JHY: variants seen among roughly 807,000 people sequenced by gnomAD.
JHY encodes jhy protein homolog.
A neutral mutation model predicts 78.0 loss-of-function variants in JHY; 69 were observed. The observed-to-expected ratio is 0.88, with a 90% CI of 0.73 to 1.08. The LOEUF is 1.08. Among genes scored for constraint, JHY ranks in the 50% least tolerant of loss-of-function variants. JHY has a pLI of 0.00. For synonymous variants in JHY, 368 were observed against 342.6 expected, an observed-to-expected ratio of 1.07 and a Z score of -0.82; for missense variants, 944 against 927.8, an observed-to-expected ratio of 1.02 and a Z score of -0.23.
intron 4 of JHY, among the ~76,000 whole-genome samples, chr11:122,925,252 A>G (rs1245654895): frequency 6.6e-6 from 1 of 152,208 alleles, no homozygotes; most frequent in African/African-American, 2.4e-5. Context: ...CACTTCCAAC[A>G]TACTGAGTTA....
intron 3 of JHY, among the ~76,000 whole-genome samples, chr11:122,922,832 A>C (rs1863404474): frequency 1.4e-5 from 2 of 148,020 alleles, no homozygotes; most frequent in African/African-American, 2.6e-5. Context: ...AAAAAAAAAA[A>C]AAAACCAGCA....
intron 5 of JHY, among the ~76,000 whole-genome samples, chr11:122,941,073 G>T (rs977813353): frequency 2.0e-5 from 3 of 152,046 alleles, no homozygotes; most frequent in African/African-American, 7.2e-5. Context: ...ATATGTTCTA[G>T]GTTTACCTTT....
Position 122,885,816 on chromosome 11 carries a change from G to A in JHY, c.-34G>A, listed in dbSNP as rs201130374. ...ATCAGCCAGCTGCTCCTATCAACAC[G>A]AGTATCCCCTGTTAATTTTTTGCAT... On this transcript the variant is annotated 5_prime_UTR_variant, in exon 2 of 9. Coordinates refer to ENST00000227349, the MANE Select transcript of JHY (RefSeq NM_024806.4). 7 of 1,513,200 alleles carry A rather than the reference G, an allele frequency of 4.6e-6. No individual in the cohort carries two copies. In the East Asian group the frequency reaches 9.1e-5, roughly 20 times the overall value. The allele number at this position is 1,513,200 out of a possible 1,614,324, so 93.7% of individuals were successfully genotyped here. A position where few individuals can be genotyped will look rare whatever the true frequency, so the allele number is the denominator to read the frequency against.
intron 3 of JHY, among the ~76,000 whole-genome samples, chr11:122,923,412 G>T (rs1228033366): frequency 2.6e-5 from 4 of 152,218 alleles, no homozygotes; most frequent in African/African-American, 9.6e-5. Flanking sequence ...TAGGCAGACA[G>T]CGAGTAAACA....
chr11:122,932,150 C>G (rs892530556), intron 4 of JHY, among the ~76,000 whole-genome samples: 1 of 152,060 alleles, frequency 6.6e-6, no homozygotes, highest in Non-Finnish European at 1.5e-5. Flanking sequence ...GGTCTTGCCA[C>G]CTAAAGAGTG....
intron 3 of JHY, among the ~76,000 whole-genome samples, chr11:122,913,198 G>A (rs7936510): frequency 0.012 from 1,770 of 152,114 alleles, 39 homozygotes; most frequent in African/African-American, 0.038. Context: ...GAGGGTCCCC[G>A]GTCAATCAAA....
At chr11:122,922,322 G>T (rs1476060875) in intron 3 of JHY, among the ~76,000 whole-genome samples, 1 of 152,162 alleles carries the variant, frequency 6.6e-6, no homozygotes, top group Non-Finnish European at 1.5e-5. Flanking sequence ...CTTTAGTAAA[G>T]TTAATAGAGA....
chr11:122,953,965 T>C (rs1357773143), intron 6 of JHY, among the ~76,000 whole-genome samples: 1 of 152,216 alleles, frequency 6.6e-6, no homozygotes, highest in Non-Finnish European at 1.5e-5. Flanking sequence ...GTGTTGCCTA[T>C]GTAGCACATC....
At chr11:122,954,171 G>A (rs1004560713) in intron 6 of JHY, among the ~76,000 whole-genome samples, 1 of 152,156 alleles carries the variant, frequency 6.6e-6, no homozygotes, top group Admixed American at 6.5e-5. Flanking sequence ...AACCAGTATT[G>A]TTGTGATTCT....
chr11:122,935,082 A>G lies in JHY; in HGVS notation c.1634+7A>G, dbSNP rs762089232. ...GGAACTTAGAAATGTTATGGTAAGA[A>G]TTCCCTTTTCTCAAGTGGTTTTCTA... On this transcript the variant is annotated splice_region_variant and intron_variant, in intron 5 of 8. Transcript: ENST00000227349. The surrounding 1 kb of genome is among the most constrained non-coding windows in gnomAD (Gnocchi z 4.5). The G allele has an allele frequency of 2.0e-5, 31 of 1,552,902 alleles. No homozygotes were observed. The highest frequency in any genetic ancestry group is 2.5e-5 in the Non-Finnish European group (29 of 1,153,808).
At chr11:122,914,344 T>C (rs1370971126) in intron 3 of JHY, among the ~76,000 whole-genome samples, 1 of 152,212 alleles carries the variant, frequency 6.6e-6, no homozygotes, top group Admixed American at 6.5e-5. Context: ...ATTTAAGTTA[T>C]GGTCATTTTT....
chr11:122,899,542 A>C (rs1862804243), intron 2 of JHY, among the ~76,000 whole-genome samples: 1 of 152,204 alleles, frequency 6.6e-6, no homozygotes, highest in Admixed American at 6.5e-5. Flanking sequence ...TGTTGACTAG[A>C]ATATTTTTAG....
chr11:122,959,173 A>G (rs941502287), intron 8 of JHY, 75 bp from the exon 9 acceptor site: 24 of 1,488,436 alleles, frequency 1.6e-5, no homozygotes, highest in Non-Finnish European at 1.9e-5. Flanking sequence ...TTATAAATAA[A>G]CATTTCCTAG....
intron 4 of JHY, chr11:122,927,114 C>G (rs922955461): frequency 6.6e-6 from 1 of 152,102 alleles, no homozygotes; most frequent in Admixed American, 6.6e-5. Context: ...TTTCCTAATA[C>G]CCACCATGAT....
chr11:122,939,999 G>A (rs1863839435), intron 5 of JHY, among the ~76,000 whole-genome samples: 1 of 147,938 alleles, frequency 6.8e-6, no homozygotes. Flanking sequence ...AGTATTCAGT[G>A]TTCATACATT....
rs527735633 is a variant in JHY at position 122,928,072 on chromosome 11, G to T, written c.978+3062G>T. On this transcript the variant is annotated intron_variant, in intron 4 of 8. Transcript: ENST00000227349. ...ACACTACAAGATCTTTTAAGGTACCGATTGTATTTTTCTCTACATCCCCTA... is the reference window on the plus strand; with the variant it reads ...ACACTACAAGATCTTTTAAGGTACCTATTGTATTTTTCTCTACATCCCCTA... Among the ~76,000 whole-genome samples the T allele has an allele frequency of 2.4e-3, 370 of 152,264 alleles. 2 individuals carry two copies. The highest frequency in any genetic ancestry group is 6.0e-3 in the South Asian group (29 of 4,828).
rs1209619774 is a variant in JHY at position 122,959,888 on chromosome 11, A to T, written c.*443A>T. On this transcript the variant is annotated 3_prime_UTR_variant, in exon 9 of 9. Coordinates refer to ENST00000227349, the MANE Select transcript of JHY (RefSeq NM_024806.4). Reference sequence around the variant, plus strand: ...AACTCAGTCATCCATAAATTTTGTGATAACATTTCAAAATATTACTAAAAT... The same window carrying T: ...AACTCAGTCATCCATAAATTTTGTGTTAACATTTCAAAATATTACTAAAAT... 6.3e-6 allele frequency: 1 copy of T among 157,980 alleles called. No individual in the cohort carries two copies. Among genetic ancestry groups the T allele is most frequent in the East Asian group, 1.9e-4 (1 of 5,336 alleles). 9.8% of individuals were successfully genotyped at this position (157,980 alleles called of 1,614,324 possible). A position where few individuals can be genotyped will look rare whatever the true frequency, so the allele number is the denominator to read the frequency against.
At chr11:122,931,738 T>C (rs1048246393) in intron 4 of JHY, among the ~76,000 whole-genome samples, 1 of 152,146 alleles carries the variant, frequency 6.6e-6, no homozygotes, top group African/African-American at 2.4e-5. Context: ...CAGATGAACT[T>C]TCTGGTTGAG....
rs748615233 is a variant in JHY, at chr11:122,898,251, T to TTGACC, written c.345-5673_345-5669dup. 1.1e-4 allele frequency among the ~76,000 whole-genome samples: 17 copies of TTGACC among 152,194 alleles called. No individual in the cohort carries two copies. The highest frequency in any genetic ancestry group is 1.8e-4 in the Non-Finnish European group (12 of 68,036). The stretch of plus-strand genomic sequence containing the variant: ...TAGGGAGGTGTTCCATGCTTATCTG[T>TTGACC]TGACCGACTGATCCATTCGCTGATT... On this transcript the variant is annotated intron_variant, in intron 2 of 8. Transcript: ENST00000227349. The surrounding 1 kb of genome is among the most constrained non-coding windows in gnomAD (Gnocchi z 4.4).
Sources: allele counts gnomAD v4.1 joint callset (sites outside exome capture counted in the v4.1 genomes callset), GRCh38; gene constraint gnomAD v4.1.1; non-coding constraint Gnocchi (gnomAD v3.1); transcripts MANE v1.5; gene names NCBI Gene and HGNC (gene_info 2026-07-23, HGNC 2026-07-21).